Variants in PCNP observed in about 807,000 individuals in gnomAD.
PCNP encodes PEST proteolytic signal containing nuclear protein.
A neutral mutation model predicts 21.8 loss-of-function variants in PCNP; 6 were observed. That is an observed-to-expected ratio of 0.28 (90% confidence interval 0.15 to 0.54). The LOEUF is 0.54. Among genes scored for constraint, PCNP ranks in the 20% least tolerant of loss-of-function variants. The pLI, the probability that PCNP is intolerant of heterozygous loss-of-function variation, is 0.95. For missense variants in PCNP, 161 were observed against 215.5 expected (o/e 0.75, Z 1.58); for synonymous variants, 67 against 73.2 (o/e 0.92, Z 0.43).
Position 101,592,411 on chromosome 3 carries a change from TGATC to T in PCNP, c.411-215_411-212del, listed in dbSNP as rs1247117392. Reference sequence around the variant, plus strand: ...CTGGTCTCAAATTGCTGACCTCAGGTGATCCACCTGCCTCGACCTCCCAAAGTGC... The same window carrying T: ...CTGGTCTCAAATTGCTGACCTCAGGTCACCTGCCTCGACCTCCCAAAGTGC... On this transcript the variant is annotated intron_variant, in intron 4 of 4. Transcript: ENST00000265260. Among the ~76,000 whole-genome samples the T allele has an allele frequency of 3.9e-5, 6 of 152,104 alleles. No homozygotes were observed. The South Asian group carries it at 1.0e-3, about 26-fold the overall frequency.
In PCNP at chr3:101,579,910, C is replaced by A. The variant is rs1448283199; in HGVS notation, c.185C>A (p.Pro62Gln). The A allele has an allele frequency of 1.9e-6, 3 of 1,614,012 alleles. No homozygotes were observed. Among genetic ancestry groups the A allele is most frequent in the Non-Finnish European group, 2.5e-6 (3 of 1,179,884 alleles). The stretch of plus-strand genomic sequence containing the variant: ...GCTGAAGAAGAAGCTGCCGACCTCC[C>A]AACAAAGCCTACAAAGATCTCCAAG... ...RSAEEEAADL[P>Q]TKPTKISKFG... is the part of the protein sequence containing the mutation. Residue 62 changes from proline (P) to glutamine (Q), a missense_variant, in exon 2 of 5, where the codon CCA (proline) becomes CAA (glutamine). Transcript: ENST00000265260.
chr3:101,584,278 A>T (rs1935378597), intron 2 of PCNP, among the ~76,000 whole-genome samples: 1 of 152,214 alleles, frequency 6.6e-6, no homozygotes, highest in African/African-American at 2.4e-5. Context: ...AGTCATTGAC[A>T]ACAAAATTCT....
At chr3:101,584,336 G>T (rs1244334766) in intron 2 of PCNP, among the ~76,000 whole-genome samples, 1 of 152,062 alleles carries the variant, frequency 6.6e-6, no homozygotes, top group African/African-American at 2.4e-5. Context: ...TGGGGGACTT[G>T]CTGTGTTGAC....
chr3:101,574,344 GT>G, intron 1 of PCNP, 65 bp downstream of exon 1: 1 of 1,471,786 alleles, frequency 6.8e-7, no homozygotes, highest in Non-Finnish European at 9.1e-7. Flanking sequence ...AGCTCCCAGG[GT>G]GGGGGGAGTG....
chr3:101,586,646 C>T lies in PCNP; in HGVS notation c.354+1135C>T, dbSNP rs532767933. 9.2e-5 allele frequency among the ~76,000 whole-genome samples: 8 copies of T among 86,698 alleles called. No individual in the cohort carries two copies. The East Asian group carries it at 1.4e-3, about 15-fold the overall frequency. 56.9% of individuals were successfully genotyped at this position (86,698 alleles called of 152,430 possible). A position where few individuals can be genotyped will look rare whatever the true frequency, so the allele number is the denominator to read the frequency against. ...GTGTGTCTTGCTTTGTTGCCTAGGC[C>T]GGAGTGCAGTAGCATAATCACAGCT... is the stretch of plus-strand genomic sequence containing the variant. On this transcript the variant is annotated intron_variant, in intron 3 of 4. Coordinates refer to ENST00000265260, the MANE Select transcript of PCNP (RefSeq NM_020357.3).
intron 2 of PCNP, among the ~76,000 whole-genome samples, chr3:101,582,509 TA>T (rs531746038): frequency 6.6e-6 from 1 of 151,658 alleles, no homozygotes; most frequent in African/African-American, 2.4e-5. Context: ...TGTAGGATAT[TA>T]AAAAAAAATT....
rs1275775909 is a variant in PCNP at position 101,576,221 on chromosome 3, T to TG, written c.64+1942_64+1943insG. 7.5e-4 allele frequency among the ~76,000 whole-genome samples: 109 copies of TG among 145,444 alleles called. 1 individual carries two copies. The highest frequency in any genetic ancestry group is 2.6e-3 in the African/African-American group (101 of 38,374). ...AGTCTACTAAGTTGGAAGTATAAGT[T>TG]TTTTTTTTTTATGAATGGTTTCCTT... On this transcript the variant is annotated intron_variant, in intron 1 of 4. Coordinates refer to ENST00000265260, the MANE Select transcript of PCNP (RefSeq NM_020357.3).
intron 3 of PCNP, chr3:101,589,995 T>A: frequency 2.0e-6 from 1 of 494,112 alleles, no homozygotes; most frequent in Non-Finnish European, 3.6e-6. Flanking sequence ...TGTTTGTTTT[T>A]TCAGCAGTTT....
Position 101,576,623 on chromosome 3 carries a change from C to A in PCNP, c.64+2344C>A, listed in dbSNP as rs148395578. ...ATCTTCTTCAGTCGCTCCAGGTCTT[C>A]ACGGAGCTTGTTGTCCAGACCATTG... On this transcript the variant is annotated intron_variant, in intron 1 of 4. Coordinates refer to ENST00000265260, the MANE Select transcript of PCNP (RefSeq NM_020357.3). The A allele has an allele frequency of 1.6e-3, 2,511 of 1,611,528 alleles. 38 individuals are homozygous for A. The African/African-American group carries it at 0.031, about 20-fold the overall frequency.
chr3:101,574,201 G>A lies in PCNP; in HGVS notation c.-15G>A. The stretch of plus-strand genomic sequence containing the variant: ...CGTCCTTGGCGTGGCTGCAGGGGAG[G>A]CCGCGGCGGGGAAAATGGCGGACGG... On this transcript the variant is annotated 5_prime_UTR_variant, in exon 1 of 5. Coordinates refer to ENST00000265260, the MANE Select transcript of PCNP (RefSeq NM_020357.3). The A allele has an allele frequency of 6.5e-7, 1 of 1,549,628 alleles. No individual in the cohort carries two copies. The highest frequency in any genetic ancestry group is 1.2e-5 in the South Asian group (1 of 83,846).
At chr3:101,587,918 C>G (rs548358915) in intron 3 of PCNP, among the ~76,000 whole-genome samples, 31 of 152,238 alleles carry the variant, frequency 2.0e-4, no homozygotes, top group South Asian at 1.2e-3. Context: ...ATTTGGATAT[C>G]TTTTCACATT....
intron 2 of PCNP, among the ~76,000 whole-genome samples, chr3:101,584,896 C>G (rs1935418486): frequency 6.6e-6 from 1 of 152,188 alleles, no homozygotes; most frequent in Non-Finnish European, 1.5e-5. Context: ...CCCAGCTATT[C>G]AGGACGCCAA....
At chr3:101,592,224 A>C (rs1935852570) in intron 4 of PCNP, among the ~76,000 whole-genome samples, 1 of 151,802 alleles carries the variant, frequency 6.6e-6, no homozygotes, top group Non-Finnish European at 1.5e-5. Flanking sequence ...CCCAGGCTGG[A>C]GTGCAGTGGC....
Position 101,592,838 on chromosome 3 carries a change from T to G in PCNP, c.*85T>G. On this transcript the variant is annotated 3_prime_UTR_variant, in exon 5 of 5. Coordinates refer to ENST00000265260, the MANE Select transcript of PCNP (RefSeq NM_020357.3). Reference sequence around the variant, plus strand: ...TTTAAAGAATGGTATAAGACTATCTTTGGAGCCGCTTTTTTTTTCTTTTTC... The same window carrying G: ...TTTAAAGAATGGTATAAGACTATCTGTGGAGCCGCTTTTTTTTTCTTTTTC... 8.3e-7 allele frequency: 1 copy of G among 1,201,508 alleles called. No homozygotes were observed. Among genetic ancestry groups the G allele is most frequent in the Non-Finnish European group, 1.1e-6 (1 of 892,388 alleles). The allele number at this position is 1,201,508 out of a possible 1,614,324, so 74.4% of individuals were successfully genotyped here. A position where few individuals can be genotyped will look rare whatever the true frequency, so the allele number is the denominator to read the frequency against.
At chr3:101,577,647 C>T (rs1243013956) in intron 1 of PCNP, among the ~76,000 whole-genome samples, 2 of 152,198 alleles carry the variant, frequency 1.3e-5, no homozygotes, top group Non-Finnish European at 2.9e-5. Flanking sequence ...GCCTCAGCCT[C>T]CTGAGTAGCT....
At position 101,579,709 on chromosome 3, in the gene PCNP, C is replaced by T. The variant is rs561904341; in HGVS notation, c.65-81C>T. The T allele has an allele frequency of 1.7e-4, 162 of 930,530 alleles. No homozygotes were observed. The African/African-American group carries it at 1.8e-3, about 10-fold the overall frequency. 57.6% of individuals were successfully genotyped at this position (930,530 alleles called of 1,614,324 possible). A position where few individuals can be genotyped will look rare whatever the true frequency, so the allele number is the denominator to read the frequency against. Reference sequence around the variant, plus strand: ...AACTGCAGAGGTATCTTCCTTATAACGATGCTTTTTGAGGTTGCTGCTCCC... The same window carrying T: ...AACTGCAGAGGTATCTTCCTTATAATGATGCTTTTTGAGGTTGCTGCTCCC... On this transcript the variant is annotated intron_variant, in intron 1 of 4. Coordinates refer to ENST00000265260, the MANE Select transcript of PCNP (RefSeq NM_020357.3).
chr3:101,578,054 G>T (rs1311593756), intron 1 of PCNP, among the ~76,000 whole-genome samples: 1 of 151,882 alleles, frequency 6.6e-6, no homozygotes. Context: ...GTTCTAAATT[G>T]ATAAGTTATT....
intron 1 of PCNP, chr3:101,579,573 CTG>C (rs1276633714): frequency 1.5e-6 from 1 of 688,886 alleles, no homozygotes; most frequent in South Asian, 1.5e-5. Context: ...TTAAATTGCT[CTG>C]TATTTTATGC....
At position 101,594,159 on chromosome 3, in the gene PCNP, A is replaced by G. The variant is rs1394885977; in HGVS notation, c.*1406A>G. 6.6e-6 allele frequency: 1 copy of G among 152,544 alleles called. No homozygotes were observed. Among genetic ancestry groups the G allele is most frequent in the Admixed American group, 6.5e-5 (1 of 15,280 alleles). 9.4% of individuals were successfully genotyped at this position (152,544 alleles called of 1,614,324 possible). On this transcript the variant is annotated 3_prime_UTR_variant, in exon 5 of 5. Transcript: ENST00000265260. ...GTATATTCCTAACACTTTGTTCACT[A>G]GCATTTAAGTTTAGAATAAGCCCAA...
Sources: allele counts gnomAD v4.1 joint callset (sites outside exome capture counted in the v4.1 genomes callset), GRCh38; gene constraint gnomAD v4.1.1; transcripts MANE v1.5; gene names NCBI Gene and HGNC (gene_info 2026-07-23, HGNC 2026-07-21).